The following DLG2 variants were observed in gnomAD, a reference collection of about 807,000 sequenced individuals.
The protein encoded by DLG2 is discs large MAGUK scaffold protein 2, also known as disks large homolog 2.
A neutral mutation model predicts 132.5 loss-of-function variants in DLG2; 45 were observed. That is an observed-to-expected ratio of 0.34 (90% CI 0.27 to 0.44). DLG2 has a LOEUF of 0.44. Among genes scored for constraint, DLG2 ranks in the 20% least tolerant of loss-of-function variants. The pLI is 1.00. For missense variants in DLG2, 1,045 were observed against 1,196.9 expected, an observed-to-expected ratio of 0.87 and a Z score of 1.87; for synonymous variants, 424 against 419.6, an observed-to-expected ratio of 1.01 and a Z score of -0.13.
At chr11:84,753,173 T>C (rs997284352) in intron 6 of DLG2, among the ~76,000 whole-genome samples, 1 of 152,184 alleles carries the variant, frequency 6.6e-6, no homozygotes, top group East Asian at 1.9e-4. Flanking sequence ...AAAAGATCAG[T>C]GTGGCTACAG....
At chr11:84,417,678 T>C (rs2098934439) in intron 7 of DLG2, among the ~76,000 whole-genome samples, 1 of 152,184 alleles carries the variant, frequency 6.6e-6, no homozygotes, top group Non-Finnish European at 1.5e-5. Context: ...TAAGATGTCA[T>C]CTCACAGCCT....
intron 7 of DLG2, among the ~76,000 whole-genome samples, chr11:84,487,293 T>C (rs1185523531): frequency 6.6e-6 from 1 of 152,100 alleles, no homozygotes; most frequent in Non-Finnish European, 1.5e-5. Context: ...GTTTATAAAA[T>C]TATCATTAAT....
intron 7 of DLG2, among the ~76,000 whole-genome samples, chr11:84,390,065 A>G (rs2098786842): frequency 6.6e-6 from 1 of 152,152 alleles, no homozygotes; most frequent in Admixed American, 6.6e-5. Context: ...TGGATGCCAT[A>G]TGTACTATTG....
chr11:84,012,093 T>C (rs1040402186), intron 11 of DLG2, among the ~76,000 whole-genome samples: 1 of 152,140 alleles, frequency 6.6e-6, no homozygotes, highest in Non-Finnish European at 1.5e-5. Flanking sequence ...ACAGATTTCC[T>C]AGCATTTAAA....
intron 19 of DLG2, among the ~76,000 whole-genome samples, chr11:83,627,863 T>C (rs1242117215): frequency 6.6e-6 from 1 of 152,184 alleles, no homozygotes. Flanking sequence ...CTCCACATCC[T>C]CTCCAGCACC....
intron 6 of DLG2, among the ~76,000 whole-genome samples, chr11:84,723,665 G>T (rs1051664906): frequency 2.6e-5 from 4 of 152,038 alleles, no homozygotes; most frequent in Admixed American, 6.6e-5. Context: ...GGTTTGAAAA[G>T]CACTAATTTG....
At chr11:85,514,585 C>T (rs540738141) in intron 3 of DLG2, among the ~76,000 whole-genome samples, 65 of 152,016 alleles carry the variant, frequency 4.3e-4, no homozygotes, top group African/African-American at 1.6e-3. Context: ...CTAACAGATT[C>T]TTATAGCACT....
At chr11:83,663,881 A>G (rs529969563) in intron 18 of DLG2, among the ~76,000 whole-genome samples, 2 of 152,318 alleles carry the variant, frequency 1.3e-5, no homozygotes, top group African/African-American at 4.8e-5. Flanking sequence ...CATTCCAAAT[A>G]AGATTGAGGC....
intron 7 of DLG2, among the ~76,000 whole-genome samples, chr11:84,336,024 C>A (rs2098483033): frequency 6.6e-6 from 1 of 152,144 alleles, no homozygotes; most frequent in Non-Finnish European, 1.5e-5. Flanking sequence ...GCATAACATG[C>A]ATATCCATAT....
chr11:84,207,764 A>G (rs1310111617), intron 8 of DLG2, among the ~76,000 whole-genome samples: 1 of 152,190 alleles, frequency 6.6e-6, no homozygotes, highest in Non-Finnish European at 1.5e-5. Flanking sequence ...ACTAACCATA[A>G]AAGAAAATTT....
intron 6 of DLG2, among the ~76,000 whole-genome samples, chr11:85,073,372 C>G (rs60734054): frequency 0.014 from 2,105 of 151,930 alleles, 47 homozygotes; most frequent in African/African-American, 0.047. Context: ...GCTGAATAAC[C>G]TTTTAACAAG....
chr11:84,977,770 T>C (rs1455468110), intron 6 of DLG2, among the ~76,000 whole-genome samples: 1 of 152,194 alleles, frequency 6.6e-6, no homozygotes, highest in Non-Finnish European at 1.5e-5. Context: ...TATGCCTTAA[T>C]GCATATATTT....
chr11:83,590,539 GAAAGATCCAA>G (rs2097169939), intron 19 of DLG2, among the ~76,000 whole-genome samples: 1 of 151,758 alleles, frequency 6.6e-6, no homozygotes, highest in Admixed American at 6.6e-5. Context: ...GAGAAAGCAG[GAAAGATCCAA>G]AATTGACACC....
intron 7 of DLG2, among the ~76,000 whole-genome samples, chr11:84,400,951 TTCC>T (rs987329219): frequency 4.0e-5 from 6 of 151,670 alleles, no homozygotes; most frequent in African/African-American, 7.3e-5. Context: ...CATCACCAAC[TTCC>T]TCCTCCTCCT....
At chr11:84,043,271 A>G (rs2096145263) in intron 11 of DLG2, among the ~76,000 whole-genome samples, 1 of 145,436 alleles carries the variant, frequency 6.9e-6, no homozygotes, top group Non-Finnish European at 1.6e-5. Context: ...CATCATAAAT[A>G]TATTTTTTCT....
chr11:85,340,617 A>G (rs1001945816), intron 3 of DLG2, among the ~76,000 whole-genome samples: 24 of 152,220 alleles, frequency 1.6e-4, no homozygotes, highest in African/African-American at 5.8e-4. Flanking sequence ...GTGCACATGT[A>G]CCCTACAACT....
intron 14 of DLG2, among the ~76,000 whole-genome samples, chr11:83,952,573 A>T (rs1447613410): frequency 6.6e-6 from 1 of 152,232 alleles, no homozygotes; most frequent in Non-Finnish European, 1.5e-5. Flanking sequence ...ATTAATAGGA[A>T]AGTACTTATG....
At chr11:84,935,682 C>T (rs1413566262) in intron 6 of DLG2, among the ~76,000 whole-genome samples, 2 of 152,130 alleles carry the variant, frequency 1.3e-5, no homozygotes, top group African/African-American at 4.8e-5. Flanking sequence ...TAGAGATCAG[C>T]AACAATGTTG....
chr11:84,458,628 T>A (rs1391881723), intron 7 of DLG2, among the ~76,000 whole-genome samples: 1 of 150,728 alleles, frequency 6.6e-6, no homozygotes, highest in African/African-American at 2.4e-5. Flanking sequence ...TATAATAACT[T>A]TTTTTATTTG....
Sources: gnomAD v4.1 joint callset for allele counts (sites outside exome capture counted in the v4.1 genomes callset) on GRCh38, gnomAD v4.1.1 for gene constraint, MANE v1.5 for transcripts, NCBI Gene and HGNC (gene_info 2026-07-23, HGNC 2026-07-21) for gene names.